Variants in CHCT1 observed in about 807,000 individuals in gnomAD.
CHCT1 encodes the protein CHD1 helical C-terminal domain containing protein 1.
chr17:60,426,349 CTT>C, the CHCT1 span: 2 of 1,546,350 alleles, frequency 1.3e-6, no homozygotes, highest in African/African-American at 2.8e-5. Flanking sequence ...AGGGCAGTCT[CTT>C]TGCTCTGCTC....
chr17:60,426,789 C>G, the CHCT1 span: 1 of 1,608,124 alleles, frequency 6.2e-7, no homozygotes, highest in East Asian at 2.2e-5. Context: ...TACAAGTACA[C>G]CAAGAGCAGC....
chr17:60,426,156 C>T, the CHCT1 span: 2 of 1,551,444 alleles, frequency 1.3e-6, no homozygotes, highest in Non-Finnish European at 1.7e-6. Context: ...CTGTTGCCTC[C>T]TCAGTGTAAA....
At chr17:60,430,998 T>C in the CHCT1 span, among the ~76,000 whole-genome samples, 6 of 152,182 alleles carry the variant, frequency 3.9e-5, no homozygotes, top group Non-Finnish European at 8.8e-5. Context: ...CATCTGTAAA[T>C]TGGGGACAAT....
the CHCT1 span, chr17:60,421,578 C>T: frequency 3.0e-6 from 3 of 985,068 alleles, no homozygotes; most frequent in Non-Finnish European, 3.6e-6. Flanking sequence ...AAAGGTGGCT[C>T]GAGTGAGGAA....
the CHCT1 span, chr17:60,426,347 C>T: frequency 6.5e-7 from 1 of 1,546,852 alleles, no homozygotes; most frequent in South Asian, 1.2e-5. Flanking sequence ...GTAGGGCAGT[C>T]TCTTTGCTCT....
At chr17:60,430,627 TG>T in the CHCT1 span, among the ~76,000 whole-genome samples, 1 of 152,194 alleles carries the variant, frequency 6.6e-6, no homozygotes, top group African/African-American at 2.4e-5. Context: ...ATTACAGGCA[TG>T]TGCCACCACA....
chr17:60,429,960 G>T, the CHCT1 span, among the ~76,000 whole-genome samples: 1 of 151,758 alleles, frequency 6.6e-6, no homozygotes, highest in Non-Finnish European at 1.5e-5. Context: ...CAGTAGCTGG[G>T]ATTAGAGATG....
chr17:60,431,164 G>T, the CHCT1 span: 1 of 1,549,474 alleles, frequency 6.5e-7, no homozygotes, highest in South Asian at 1.2e-5. Flanking sequence ...GACTGTCTCT[G>T]ACCTTCTCTT....
chr17:60,422,544 AG>A, the CHCT1 span: 5 of 1,540,666 alleles, frequency 3.2e-6, no homozygotes, highest in Non-Finnish European at 4.4e-6. Context: ...CAGAAGCCAG[AG>A]GGGACGTGGG....
At chr17:60,426,489 AC>A in the CHCT1 span, 1 of 1,039,678 alleles carries the variant, frequency 9.6e-7, no homozygotes, top group Non-Finnish European at 1.4e-6. Flanking sequence ...GTCACTCAGG[AC>A]AGCCCTGACT....
the CHCT1 span, chr17:60,426,275 G>T: frequency 1.3e-6 from 2 of 1,552,018 alleles, no homozygotes; most frequent in Non-Finnish European, 8.7e-7. Context: ...GGTCCTAGGG[G>T]ACCACATCAA....
the CHCT1 span, among the ~76,000 whole-genome samples, chr17:60,422,877 G>C: frequency 1.3e-5 from 2 of 152,128 alleles, no homozygotes; most frequent in South Asian, 2.1e-4. Flanking sequence ...AGACTTGAGA[G>C]TATGTGTATG....
the CHCT1 span, among the ~76,000 whole-genome samples, chr17:60,428,831 T>G: frequency 6.6e-6 from 1 of 151,840 alleles, no homozygotes; most frequent in Non-Finnish European, 1.5e-5. Flanking sequence ...ATTTCAAAAT[T>G]CAAGCTCTCA....
chr17:60,423,955 G>A, the CHCT1 span, among the ~76,000 whole-genome samples: 1 of 152,220 alleles, frequency 6.6e-6, no homozygotes, highest in Admixed American at 6.5e-5. Context: ...CCTGCAGGCT[G>A]TACACGAAGC....
chr17:60,429,468 G>C, the CHCT1 span: 1 of 1,614,260 alleles, frequency 6.2e-7, no homozygotes, highest in Non-Finnish European at 8.5e-7. Context: ...AACATCAGCG[G>C]CATGAAGGAG....
chr17:60,421,400 C>A, the CHCT1 span: 11 of 985,544 alleles, frequency 1.1e-5, no homozygotes, highest in African/African-American at 1.9e-4. Context: ...CTCTCCTGTG[C>A]CCGAGGTGGC....
chr17:60,426,961 A>G, the CHCT1 span: 8 of 1,441,552 alleles, frequency 5.5e-6, no homozygotes, highest in Non-Finnish European at 6.5e-6. Flanking sequence ...CTGCTGCTTG[A>G]CCTTTACCCC....
At chr17:60,421,805 G>A in the CHCT1 span, 1 of 965,828 alleles carries the variant, frequency 1.0e-6, no homozygotes, top group Non-Finnish European at 1.2e-6. Context: ...AAGAGTCGGG[G>A]TGGCGGGACT....
chr17:60,421,991 A>G, the CHCT1 span: 436 of 970,330 alleles, frequency 4.5e-4, 3 homozygotes, highest in African/African-American at 7.5e-3. Context: ...ATACACCCCC[A>G]AAACACACAC....
Sources: gnomAD v4.1 joint callset for allele counts (sites outside exome capture counted in the v4.1 genomes callset) on GRCh38, gnomAD v4.1.1 for gene constraint, MANE v1.5 for transcripts, NCBI Gene and HGNC (gene_info 2026-07-23, HGNC 2026-07-21) for gene names.